Variants in FNDC3B observed in about 807,000 individuals in gnomAD.
FNDC3B encodes the protein fibronectin type III domain containing 3B, also known as fibronectin type III domain-containing protein 3B.
In FNDC3B, 12 loss-of-function variants were observed where a neutral mutation model predicts 151.5. The ratio of observed to expected loss-of-function variants is 0.08; its 90% CI spans 0.05 to 0.13. The LOEUF (loss-of-function observed/expected upper bound fraction) is 0.13, where lower values mean the gene tolerates loss of function less well. FNDC3B is among the 10% of genes least tolerant of loss of function. The pLI is 1.00. For synonymous variants in FNDC3B, 528 were observed against 549.0 expected, an observed-to-expected ratio of 0.96 and a Z score of 0.54; for missense variants, 1,214 against 1,505.3, an observed-to-expected ratio of 0.81 and a Z score of 3.20.
chr3:172,231,055 A>G (rs946953417), intron 4 of FNDC3B, among the ~76,000 whole-genome samples: 2 of 152,228 alleles, frequency 1.3e-5, no homozygotes, highest in African/African-American at 4.8e-5. Flanking sequence ...AAACAACCCA[A>G]ATGCCCATCA....
At chr3:172,124,134 A>G (rs377029396) in intron 2 of FNDC3B, among the ~76,000 whole-genome samples, 1 of 152,106 alleles carries the variant, frequency 6.6e-6, no homozygotes, top group African/African-American at 2.4e-5. Flanking sequence ...TCTGTCGCCC[A>G]GGCTGGAGTG....
At chr3:172,106,061 C>T (rs1559967940) in intron 1 of FNDC3B, among the ~76,000 whole-genome samples, 1 of 152,156 alleles carries the variant, frequency 6.6e-6, no homozygotes, top group African/African-American at 2.4e-5. Context: ...ATATTATTTT[C>T]AAGTTGCTTT....
chr3:172,173,147 G>A (rs1307193872), intron 3 of FNDC3B, among the ~76,000 whole-genome samples: 2 of 152,148 alleles, frequency 1.3e-5, no homozygotes, highest in African/African-American at 4.8e-5. Flanking sequence ...TAGAGATAAA[G>A]CGAAACGATG....
At chr3:172,121,997 G>A (rs983868965) in intron 2 of FNDC3B, among the ~76,000 whole-genome samples, 2 of 151,964 alleles carry the variant, frequency 1.3e-5, no homozygotes, top group African/African-American at 2.4e-5. Context: ...AGCTACTGAT[G>A]TATCTCATAG....
At position 172,180,076 on chromosome 3, in the gene FNDC3B, C is replaced by T. The variant is rs181586718; in HGVS notation, c.187+46530C>T. 3.6e-4 allele frequency among the ~76,000 whole-genome samples: 55 copies of T among 152,200 alleles called. No individual in the cohort carries two copies. The East Asian group carries it at 4.2e-3, about 12-fold the overall frequency. On this transcript the variant is annotated intron_variant, in intron 3 of 25. Transcript: ENST00000415807. ...ATTTCTCTTCTTCTCTTCATGTTTGCGTATTTTGATTGCACATGTACCTTG... is the reference window on the plus strand; with the variant it reads ...ATTTCTCTTCTTCTCTTCATGTTTGTGTATTTTGATTGCACATGTACCTTG...
At chr3:172,284,252 G>A (rs559371630) in intron 6 of FNDC3B, among the ~76,000 whole-genome samples, 6 of 152,196 alleles carry the variant, frequency 3.9e-5, no homozygotes, top group Middle Eastern at 3.4e-3. Context: ...CAAACTAAGA[G>A]GTTGTTAAAG....
chr3:172,362,515 C>A, intron 22 of FNDC3B, 118 bp from the exon 23 acceptor site: 1 of 785,122 alleles, frequency 1.3e-6, no homozygotes. Context: ...TGTTTTTCTT[C>A]ATTCTATGTT....
rs369927921 is a variant in FNDC3B, at chr3:172,289,322, C to T, written c.849+3338C>T. Among the ~76,000 whole-genome samples the T allele has an allele frequency of 1.7e-4, 26 of 152,238 alleles. 1 individual carries two copies. Among genetic ancestry groups the T allele is most frequent in the African/African-American group, 4.8e-4 (20 of 41,528 alleles). ...TCCCTCTTTCACTTATAAGGACCCC[C>T]GTGATTTTACTGGGCCCAGCCAGAT... On this transcript the variant is annotated intron_variant, in intron 7 of 25. Coordinates refer to ENST00000415807, the MANE Select transcript of FNDC3B (RefSeq NM_022763.4).
intron 3 of FNDC3B, among the ~76,000 whole-genome samples, chr3:172,205,086 TG>T (rs1725355266): frequency 6.6e-6 from 1 of 152,210 alleles, no homozygotes. Context: ...CCTTAGTCAG[TG>T]AGAACTCAGT....
At position 172,378,310 on chromosome 3, in the gene FNDC3B, G is replaced by T. The variant is rs771632625; in HGVS notation, c.3049G>T (p.Val1017Phe). 1.2e-6 allele frequency: 2 copies of T among 1,613,580 alleles called. No individual in the cohort carries two copies. The highest frequency in any genetic ancestry group is 1.7e-6 in the Non-Finnish European group (2 of 1,179,810). The change falls in exon 24 of 26, where the codon GTC (valine) becomes TTC (phenylalanine). Residue 1017 changes from valine to phenylalanine, a missense_variant. By Grantham distance (50) the Val-to-Phe change is conservative. This residue lies in a region of FNDC3B where 284 missense variants were observed against 392.4 expected (regional missense o/e 0.72). Transcript: ENST00000415807. Reference sequence around the variant, plus strand: ...CAGAGGACCCAGCCACACCTACAAGGTCCAGAGACTGACGGAATTCACATG... The same window carrying T: ...CAGAGGACCCAGCCACACCTACAAGTTCCAGAGACTGACGGAATTCACATG... ...IYRGPSHTYK[V>F]QRLTEFTCYS...
chr3:172,376,108 T>C (rs553218736), intron 23 of FNDC3B, among the ~76,000 whole-genome samples: 2 of 152,330 alleles, frequency 1.3e-5, no homozygotes. Flanking sequence ...TTTTCATAAA[T>C]TGGAATGCAA....
intron 1 of FNDC3B, among the ~76,000 whole-genome samples, chr3:172,103,015 G>A (rs1490619268): frequency 6.6e-6 from 1 of 152,194 alleles, no homozygotes; most frequent in African/African-American, 2.4e-5. Flanking sequence ...ATACTTGACT[G>A]TCATCCTTGG....
intron 3 of FNDC3B, among the ~76,000 whole-genome samples, chr3:172,194,517 A>G (rs137971686): frequency 1.6e-3 from 240 of 152,314 alleles, no homozygotes; most frequent in African/African-American, 5.6e-3. Flanking sequence ...CTGCTTCTAT[A>G]AAGTTGCATC....
At chr3:172,316,448 G>A (rs1731793035) in intron 11 of FNDC3B, 1 of 456,196 alleles carries the variant, frequency 2.2e-6, no homozygotes, top group South Asian at 1.5e-5. Context: ...TCTGGGTTGA[G>A]TCATTCATAA....
intron 25 of FNDC3B, 25 bp downstream of exon 25, chr3:172,381,118 T>C: frequency 6.2e-7 from 1 of 1,611,882 alleles, no homozygotes; most frequent in Non-Finnish European, 8.5e-7. Context: ...GCATGGCACA[T>C]GTGCAACTGA....
chr3:172,146,652 A>G (rs1269330871), intron 3 of FNDC3B, among the ~76,000 whole-genome samples: 1 of 152,178 alleles, frequency 6.6e-6, no homozygotes, highest in African/African-American at 2.4e-5. Flanking sequence ...CAGGCTGTGT[A>G]CCTGTGGCTG....
chr3:172,388,933 A>G (rs1353108672), intron 25 of FNDC3B, among the ~76,000 whole-genome samples: 3 of 152,190 alleles, frequency 2.0e-5, no homozygotes, highest in African/African-American at 7.2e-5. Context: ...AGGTTGCTAC[A>G]TGTTATCCCA....
intron 11 of FNDC3B, among the ~76,000 whole-genome samples, chr3:172,323,807 A>G (rs11486557): frequency 0.016 from 2,437 of 152,266 alleles, 55 homozygotes; most frequent in African/African-American, 0.055. Context: ...AACAATATCT[A>G]GACTCCCATT....
At chr3:172,051,020 T>C (rs548814292) in intron 1 of FNDC3B, among the ~76,000 whole-genome samples, 1 of 152,222 alleles carries the variant, frequency 6.6e-6, no homozygotes, top group East Asian at 1.9e-4. Flanking sequence ...TCTCCCCTTT[T>C]CTTTGCATAT....
Sources: allele counts gnomAD v4.1 joint callset (sites outside exome capture counted in the v4.1 genomes callset), GRCh38; gene constraint gnomAD v4.1.1; regional missense constraint gnomAD v4.1.1; transcripts MANE v1.5; gene names NCBI Gene and HGNC (gene_info 2026-07-23, HGNC 2026-07-21).